Variants in ATXN1 observed in about 807,000 individuals in gnomAD.
ATXN1 encodes the protein ataxin 1.
In ATXN1, 8 loss-of-function variants were observed where a neutral mutation model predicts 56.4. That is an observed-to-expected ratio of 0.14 (90% CI 0.08 to 0.26). The LOEUF (loss-of-function observed/expected upper bound fraction) is 0.26. Among genes scored for constraint, ATXN1 ranks in the 10% least tolerant of loss-of-function variants. The pLI is 1.00. For synonymous variants in ATXN1, 514 were observed against 494.6 expected (o/e 1.04, Z -0.52); for missense variants, 987 against 1,106.5 (o/e 0.89, Z 1.53).
chr6:16,715,989 T>G (rs1022169674), intron 2 of ATXN1, among the ~76,000 whole-genome samples: 3 of 152,158 alleles, frequency 2.0e-5, no homozygotes, highest in Non-Finnish European at 4.4e-5. Flanking sequence ...CCTGAAGAAC[T>G]CAATCTCCTT....
intron 2 of ATXN1, among the ~76,000 whole-genome samples, chr6:16,693,918 A>C (rs1759101534): frequency 6.6e-6 from 1 of 152,180 alleles, no homozygotes; most frequent in South Asian, 2.1e-4. Context: ...CTAGGGTAGG[A>C]AAAACTGGGA....
At chr6:16,349,271 G>T (rs750255069) in intron 6 of ATXN1, among the ~76,000 whole-genome samples, 5 of 152,192 alleles carry the variant, frequency 3.3e-5, no homozygotes, top group Non-Finnish European at 5.9e-5. Flanking sequence ...TTGGGAGGCT[G>T]AGGCTGGTGG....
chr6:16,362,474 G>A (rs1043380368), intron 6 of ATXN1, among the ~76,000 whole-genome samples: 1 of 152,066 alleles, frequency 6.6e-6, no homozygotes, highest in Non-Finnish European at 1.5e-5. Context: ...CCCGCTCTCA[G>A]CAGTTACCCC....
chr6:16,477,674 T>C (rs1760353510), intron 6 of ATXN1, among the ~76,000 whole-genome samples: 1 of 152,194 alleles, frequency 6.6e-6, no homozygotes, highest in Admixed American at 6.5e-5. Flanking sequence ...CCAGTGCTGA[T>C]AAACAAGCAA....
At position 16,437,096 on chromosome 6, in the gene ATXN1, A is replaced by G. The variant is rs77500907; in HGVS notation, c.-161+48876T>C. ...ATCCCACTGAAGGCAGTTAAGAGACAGTGGGATATGCAAGCCTGAGGTTCA... is the reference window on the plus strand; with the variant it reads ...ATCCCACTGAAGGCAGTTAAGAGACGGTGGGATATGCAAGCCTGAGGTTCA... On this transcript the variant is annotated intron_variant, in intron 6 of 7. Coordinates refer to ENST00000436367, the MANE Select transcript of ATXN1 (RefSeq NM_001128164.2). Among the ~76,000 whole-genome samples the G allele has an allele frequency of 8.0e-3, 1,224 of 152,336 alleles. 16 individuals are homozygous for G. Among genetic ancestry groups the G allele is most frequent in the African/African-American group, 0.028 (1,163 of 41,568 alleles).
At chr6:16,466,626 T>C (rs1760113082) in intron 6 of ATXN1, among the ~76,000 whole-genome samples, 1 of 152,198 alleles carries the variant, frequency 6.6e-6, no homozygotes, top group African/African-American at 2.4e-5. Flanking sequence ...ACTTTTGCAA[T>C]GTGAGAGAAG....
intron 4 of ATXN1, among the ~76,000 whole-genome samples, chr6:16,580,794 T>C (rs1169886556): frequency 6.6e-6 from 1 of 152,196 alleles, no homozygotes; most frequent in Non-Finnish European, 1.5e-5. Context: ...TCTTTGACCC[T>C]ACATTTTTTC....
chr6:16,389,344 A>G (rs1367872368), intron 6 of ATXN1, among the ~76,000 whole-genome samples: 1 of 148,932 alleles, frequency 6.7e-6, no homozygotes, highest in Non-Finnish European at 1.5e-5. Flanking sequence ...CTCCAAAAAA[A>G]AAGAAAAAAA....
At chr6:16,480,985 T>C (rs1303148339) in intron 6 of ATXN1, among the ~76,000 whole-genome samples, 4 of 152,040 alleles carry the variant, frequency 2.6e-5, no homozygotes, top group African/African-American at 9.7e-5. Flanking sequence ...CCATCCCAAA[T>C]AACACACCAG....
Position 16,327,633 on chromosome 6 carries a change from GTGCTGC to G in ATXN1, c.672_677del (p.Gln224_Gln225del), listed in dbSNP as rs751421308. 20,216 of 1,446,734 alleles carry G rather than the reference GTGCTGC, an allele frequency of 0.014. 465 individuals are homozygous for G. The East Asian group carries it at 0.17, about 12-fold the overall frequency. 89.6% of individuals were successfully genotyped at this position (1,446,734 alleles called of 1,614,324 possible). A position where few individuals can be genotyped will look rare whatever the true frequency, so the allele number is the denominator to read the frequency against. On this transcript the variant is annotated inframe_deletion, in exon 7 of 8. Coordinates refer to ENST00000436367, the MANE Select transcript of ATXN1 (RefSeq NM_001128164.2). ...TGATGAGCCCCGGAGCCCTGCTGAG[GTGCTGC>G]TGCTGCTGCTGCTGCTGCTGCTGCT...
chr6:16,604,337 A>C lies in ATXN1; in HGVS notation c.-488-18430T>G, dbSNP rs950629394. Among the ~76,000 whole-genome samples, 21 of 149,946 alleles carry C rather than the reference A, an allele frequency of 1.4e-4. 1 individual carries two copies. The highest frequency in any genetic ancestry group is 6.4e-3 in the Middle Eastern group (2 of 314). ...AAAACTCTGTCTCAAAAAAAAAAAA[A>C]AAAACAAAAATTATCGTGGCACGTG... On this transcript the variant is annotated intron_variant, in intron 3 of 7. Coordinates refer to ENST00000436367, the MANE Select transcript of ATXN1 (RefSeq NM_001128164.2).
At chr6:16,437,191 AG>A (rs1398579790) in intron 6 of ATXN1, among the ~76,000 whole-genome samples, 1 of 152,236 alleles carries the variant, frequency 6.6e-6, no homozygotes, top group Admixed American at 6.5e-5. Flanking sequence ...AAAACAGACC[AG>A]GTTTGAGGAC....
chr6:16,498,388 G>T (rs1203998499), intron 5 of ATXN1, among the ~76,000 whole-genome samples: 1 of 152,194 alleles, frequency 6.6e-6, no homozygotes, highest in African/African-American at 2.4e-5. Flanking sequence ...TTATTCGTCA[G>T]TTGATGGACA....
At chr6:16,418,061 G>A (rs1276417390) in intron 6 of ATXN1, among the ~76,000 whole-genome samples, 1 of 152,166 alleles carries the variant, frequency 6.6e-6, no homozygotes, top group African/African-American at 2.4e-5. Context: ...ATTAATGGGA[G>A]CATGGTCCCA....
At chr6:16,708,069 C>T (rs915169743) in intron 2 of ATXN1, among the ~76,000 whole-genome samples, 1 of 151,732 alleles carries the variant, frequency 6.6e-6, no homozygotes, top group Non-Finnish European at 1.5e-5. Context: ...AAGAATGATG[C>T]GTGTAAAATG....
chr6:16,315,493 G>T lies in ATXN1; in HGVS notation c.1918-8634C>A, dbSNP rs534042075. The stretch of plus-strand genomic sequence containing the variant: ...TACTCCCTACACTGTAGCAACAGTG[G>T]TCTCCTTGCTGGTTCTTTAACCCCT... On this transcript the variant is annotated intron_variant, in intron 7 of 7. Transcript: ENST00000436367. Among the ~76,000 whole-genome samples, 4 of 152,222 alleles carry T rather than the reference G, an allele frequency of 2.6e-5. No individual in the cohort carries two copies. In the South Asian group the frequency reaches 8.3e-4, roughly 32 times the overall value.
chr6:16,361,883 A>C (rs1761814917), intron 6 of ATXN1, among the ~76,000 whole-genome samples: 1 of 152,222 alleles, frequency 6.6e-6, no homozygotes, highest in Non-Finnish European at 1.5e-5. Context: ...CATTCTCTGA[A>C]AATGCTTCAC....
chr6:16,711,463 C>A (rs1039552169), intron 2 of ATXN1, among the ~76,000 whole-genome samples: 3 of 151,320 alleles, frequency 2.0e-5, no homozygotes, highest in Non-Finnish European at 4.4e-5. Flanking sequence ...AAAAGGTAAG[C>A]CAAACACTGA....
At chr6:16,691,768 T>G (rs1759051972) in intron 2 of ATXN1, among the ~76,000 whole-genome samples, 2 of 152,258 alleles carry the variant, frequency 1.3e-5, no homozygotes. Flanking sequence ...TGTTTATGCC[T>G]TGGCCTGAAT....
Sources: gnomAD v4.1 joint callset for allele counts (sites outside exome capture counted in the v4.1 genomes callset) on GRCh38, gnomAD v4.1.1 for gene constraint, MANE v1.5 for transcripts, NCBI Gene and HGNC (gene_info 2026-07-23, HGNC 2026-07-21) for gene names.